The following METTL8 variants were observed in gnomAD, a reference collection of about 807,000 sequenced individuals.
The protein encoded by METTL8 is methyltransferase 8, tRNA N3-cytidine.
In METTL8, 32 loss-of-function variants were observed where a neutral mutation model predicts 48.7. The observed-to-expected ratio is 0.66, with a 90% CI of 0.50 to 0.88. The LOEUF (loss-of-function observed/expected upper bound fraction) is 0.88. METTL8 is among the 40% of genes least tolerant of loss of function. METTL8 has a pLI of 0.00. For missense variants in METTL8, 464 were observed against 474.4 expected (o/e 0.98, Z 0.20); for synonymous variants, 136 against 157.1 (o/e 0.87, Z 1.01).
At chr2:171,373,800 T>C (rs1574030983) in intron 2 of METTL8, among the ~76,000 whole-genome samples, 1 of 151,808 alleles carries the variant, frequency 6.6e-6, no homozygotes, top group Non-Finnish European at 1.5e-5. Flanking sequence ...AGATGTGTGG[T>C]ATTATTTCTG....
intron 5 of METTL8, among the ~76,000 whole-genome samples, chr2:171,336,827 A>C (rs571728107): frequency 4.0e-5 from 6 of 150,226 alleles, no homozygotes; most frequent in Admixed American, 1.3e-4. Context: ...GAAGTTTAGC[A>C]GTTCACAGCT....
chr2:171,362,570 T>TAA (rs1461652935), intron 2 of METTL8, among the ~76,000 whole-genome samples: 7 of 145,652 alleles, frequency 4.8e-5, no homozygotes, highest in Non-Finnish European at 8.9e-5. Flanking sequence ...AAAATAAAAA[T>TAA]AAATAAATAA....
chr2:171,423,811 AAGCGAGCTGC>A (rs1228215615), intron 1 of METTL8, among the ~76,000 whole-genome samples: 1 of 152,244 alleles, frequency 6.6e-6, no homozygotes, highest in Non-Finnish European at 1.5e-5. Context: ...GGAGAAATTC[AAGCGAGCTGC>A]AGAAATTTGC....
intron 2 of METTL8, among the ~76,000 whole-genome samples, chr2:171,363,154 T>C (rs1685336927): frequency 6.6e-6 from 1 of 152,180 alleles, no homozygotes; most frequent in African/African-American, 2.4e-5. Flanking sequence ...CTGTTCTTTA[T>C]GTTACTTCAT....
At chr2:171,415,033 C>T (rs1006810359) in intron 1 of METTL8, among the ~76,000 whole-genome samples, 3 of 152,164 alleles carry the variant, frequency 2.0e-5, no homozygotes, top group Non-Finnish European at 4.4e-5. Context: ...GATTGTGAGG[C>T]CTCCCCAGCC....
intron 1 of METTL8, among the ~76,000 whole-genome samples, chr2:171,420,388 G>A (rs760786220): frequency 2.0e-5 from 3 of 152,048 alleles, no homozygotes; most frequent in Non-Finnish European, 4.4e-5. Flanking sequence ...AAGAAGATGA[G>A]GCAGACATGG....
intron 1 of METTL8, among the ~76,000 whole-genome samples, chr2:171,431,700 C>T (rs1384829029): frequency 1.3e-5 from 2 of 152,214 alleles, no homozygotes; most frequent in Non-Finnish European, 2.9e-5. Flanking sequence ...CGCCTGGTAG[C>T]CACCCTATGC....
At chr2:171,434,300 G>C, upstream of METTL8, 1 of 608,398 alleles carries the variant, frequency 1.6e-6, no homozygotes. Flanking sequence ...CGGCCGCGCG[G>C]TACCGGAGCG....
chr2:171,395,762 C>T (rs1230238153), intron 1 of METTL8, among the ~76,000 whole-genome samples: 13 of 152,118 alleles, frequency 8.5e-5, no homozygotes, highest in Non-Finnish European at 7.4e-5. Flanking sequence ...TTTTAACAAC[C>T]CTTTTCCAGT....
chr2:171,340,429 GA>G (rs1242592596), intron 3 of METTL8, among the ~76,000 whole-genome samples: 1 of 148,790 alleles, frequency 6.7e-6, no homozygotes, highest in Non-Finnish European at 1.5e-5. Flanking sequence ...TTGAACCCGG[GA>G]GGAGAAATTT....
chr2:171,433,077 C>T (rs892699580), intron 1 of METTL8: 4 of 152,180 alleles, frequency 2.6e-5, no homozygotes, highest in African/African-American at 9.7e-5. Flanking sequence ...CCCCTCAGCT[C>T]AGGGTGCAAG....
At chr2:171,357,293 A>G (rs1394233741) in intron 3 of METTL8, among the ~76,000 whole-genome samples, 1 of 151,990 alleles carries the variant, frequency 6.6e-6, no homozygotes, top group Non-Finnish European at 1.5e-5. Context: ...AAACCTAAAG[A>G]CTCCACCAAA....
intron 1 of METTL8, among the ~76,000 whole-genome samples, chr2:171,421,964 G>C (rs1691918416): frequency 6.6e-6 from 1 of 152,130 alleles, no homozygotes; most frequent in South Asian, 2.1e-4. Flanking sequence ...ATTTCAATAA[G>C]GCTTTTGGGA....
rs1185215042 is a variant in METTL8 at position 171,317,174 on chromosome 2, G to T, written c.*6998C>A. On this transcript the variant is annotated 3_prime_UTR_variant, in exon 10 of 10. Transcript: ENST00000375258. ...ACAGGTTTAGTGCTTGCTTCCAGCG[G>T]AAAAGCCTTAAAAGCCCAAAGGGTG... 6.6e-6 allele frequency among the ~76,000 whole-genome samples: 1 copy of T among 152,192 alleles called. No individual in the cohort carries two copies. Among genetic ancestry groups the T allele is most frequent in the South Asian group, 2.1e-4 (1 of 4,826 alleles).
At position 171,428,605 on chromosome 2, in the gene METTL8, T is replaced by G. The variant is rs564377493; in HGVS notation, c.-13+5278A>C. Among the ~76,000 whole-genome samples, 26 of 152,344 alleles carry G rather than the reference T, an allele frequency of 1.7e-4. No homozygotes were observed. The East Asian group carries it at 4.8e-3, about 28-fold the overall frequency. The stretch of plus-strand genomic sequence containing the variant: ...TATGCATTAACCACATTTTAGGTAG[T>G]GTAAAGCAGGGAGAATTATATTACT... On this transcript the variant is annotated intron_variant, in intron 1 of 9. Coordinates refer to ENST00000375258, the MANE Select transcript of METTL8 (RefSeq NM_001321154.2).
chr2:171,396,776 T>C (rs1689105379), intron 1 of METTL8, among the ~76,000 whole-genome samples: 1 of 151,940 alleles, frequency 6.6e-6, no homozygotes, highest in Non-Finnish European at 1.5e-5. Context: ...AAGCAGTGTA[T>C]AGAGAGAAAT....
At chr2:171,390,127 C>G (rs1055467810) in intron 2 of METTL8, among the ~76,000 whole-genome samples, 44 of 152,170 alleles carry the variant, frequency 2.9e-4, no homozygotes, top group African/African-American at 9.9e-4. Flanking sequence ...TGCCTATACT[C>G]TATAAATGAA....
intron 2 of METTL8, among the ~76,000 whole-genome samples, chr2:171,383,848 T>C (rs999050200): frequency 2.6e-5 from 4 of 152,190 alleles, no homozygotes; most frequent in African/African-American, 9.7e-5. Flanking sequence ...AAATGTAAAA[T>C]GGTTCAGTCA....
intron 1 of METTL8, among the ~76,000 whole-genome samples, chr2:171,401,123 G>C (rs958152271): frequency 1.3e-5 from 2 of 152,010 alleles, no homozygotes; most frequent in African/African-American, 4.8e-5. Context: ...TGGGAAGCTG[G>C]GAAGCAAACA....
Sources: gnomAD v4.1 joint callset for allele counts (sites outside exome capture counted in the v4.1 genomes callset) on GRCh38, gnomAD v4.1.1 for gene constraint, MANE v1.5 for transcripts, NCBI Gene and HGNC (gene_info 2026-07-23, HGNC 2026-07-21) for gene names.